MYO1C: variants seen among roughly 807,000 people sequenced by gnomAD.
The protein encoded by MYO1C is unconventional myosin-Ic.
A neutral mutation model predicts 150.8 loss-of-function variants in MYO1C; 104 were observed. The ratio of observed to expected loss-of-function variants is 0.69; its 90% CI spans 0.59 to 0.81. The LOEUF is 0.81. Ranked by LOEUF, MYO1C falls within the 30% of genes least tolerant of loss-of-function variation. The pLI is 0.00. For missense variants in MYO1C, 1,504 were observed against 1,435.0 expected, an observed-to-expected ratio of 1.05 and a Z score of -0.78; for synonymous variants, 663 against 579.9, an observed-to-expected ratio of 1.14 and a Z score of -2.06.
In MYO1C at chr17:1,478,535, G is replaced by A. The variant is rs750876603; in HGVS notation, c.1213-43C>T. 6.8e-6 allele frequency: 11 copies of A among 1,613,602 alleles called. No homozygotes were observed. The East Asian group carries it at 2.2e-4, about 33-fold the overall frequency. ...CCGAAGGCGTGGGCCCCCTGCGCGT[G>A]CCAGCCCCACCCTGCAGCACCCCCC... On this transcript the variant is annotated intron_variant, in intron 10 of 31. Transcript: ENST00000648651. The surrounding 1 kb of genome is among the most constrained non-coding windows in gnomAD (Gnocchi z 6.3).
Position 1,478,388 on chromosome 17 carries a change from AC to A in MYO1C, c.1295+21del. ...GCAGGACAGGAGACCGGGAGGAGAG[AC>A]GGGGGAAAGATGGCACCGACCTGTT... On this transcript the variant is annotated intron_variant, in intron 11 of 31. Transcript: ENST00000648651. This position sits in a 1 kb window ranked among gnomAD's most constrained non-coding sequence, Gnocchi z 6.3. The A allele has an allele frequency of 1.9e-6, 3 of 1,613,864 alleles. No homozygotes were observed. Among genetic ancestry groups the A allele is most frequent in the Non-Finnish European group, 2.5e-6 (3 of 1,179,756 alleles).
At position 1,484,219 on chromosome 17, in the gene MYO1C, G is replaced by A. The variant is rs762872241; in HGVS notation, c.160C>T (p.Leu54=). The A allele has an allele frequency of 6.2e-7, 1 of 1,612,948 alleles. No homozygotes were observed. Among genetic ancestry groups the A allele is most frequent in the East Asian group, 2.2e-5 (1 of 44,878 alleles). ...GCGGCCTCGCTGGTGAAGTTCTCCA[G>A]CAGCACGAAATCCTGCACCCCCACC... ...DRVGVQDFVL[L]ENFTSEAAFI... Residue 54 remains leucine (L), a synonymous_variant, in exon 2 of 32, where the codon CTG becomes TTG. Coordinates refer to ENST00000648651, the MANE Select transcript of MYO1C (RefSeq NM_001080779.2).
intron 31 of MYO1C, among the ~76,000 whole-genome samples, chr17:1,466,556 A>T (rs2074175226): frequency 6.7e-6 from 1 of 150,246 alleles, no homozygotes; most frequent in Admixed American, 6.6e-5. Flanking sequence ...TCGAACTCCC[A>T]ACCTCAGGTG....
Position 1,477,554 on chromosome 17 carries a change from A to C in MYO1C, c.1525T>G (p.Phe509Val), listed in dbSNP as rs1391249685. The C allele has an allele frequency of 3.1e-6, 5 of 1,613,502 alleles. No homozygotes were observed. The highest frequency in any genetic ancestry group is 3.4e-6 in the Non-Finnish European group (4 of 1,179,994). Residue 509 changes from phenylalanine (F) to valine (V), a missense_variant, in exon 14 of 32, where the codon TTC becomes GTC. By Grantham distance (50) the Phe-to-Val change is conservative. Coordinates refer to ENST00000648651, the MANE Select transcript of MYO1C (RefSeq NM_001080779.2). ...LRPGEATDLT[F>V]LEKLEDTVKH... ...ACAGTATCCTCCAGCTTCTCCAGGAAGGTCAGGTCTGTGGCCTCCCCGGGG... is the reference window on the plus strand; with the variant it reads ...ACAGTATCCTCCAGCTTCTCCAGGACGGTCAGGTCTGTGGCCTCCCCGGGG...
At chr17:1,477,646 GCA>G in intron 13 of MYO1C, 50 bp from the exon 14 acceptor site, 3 of 1,441,092 alleles carry the variant, frequency 2.1e-6, no homozygotes, top group Non-Finnish European at 2.9e-6. Flanking sequence ...AGGTCAGAGC[GCA>G]CAGAGGATTG....
rs975728099 is a variant in MYO1C, at chr17:1,478,090, G to A, written c.1398C>T (p.Ile466=). 7 of 1,613,904 alleles carry A rather than the reference G, an allele frequency of 4.3e-6. No homozygotes were observed. Among genetic ancestry groups the A allele is most frequent in the African/African-American group, 2.7e-5 (2 of 74,940 alleles). ...SEQEEYEAEG[I]AWEPVQYFNN... is the part of the protein sequence containing the mutation. ...GTGCCCCCAGGCTAGCACACACCGC[G>A]ATGCCCTCTGCCTCGTACTCCTCCT... Residue 466 remains isoleucine (I), a synonymous_variant, in exon 12 of 32, where the codon ATC becomes ATT. Transcript: ENST00000648651. This position sits in a 1 kb window ranked among gnomAD's most constrained non-coding sequence, Gnocchi z 6.3.
At chr17:1,469,486 C>G in intron 25 of MYO1C, 45 bp downstream of exon 25, 1 of 1,520,530 alleles carries the variant, frequency 6.6e-7, no homozygotes, top group Non-Finnish European at 9.0e-7. Context: ...GCTTGCGACT[C>G]CCTGACTCCA....
intron 25 of MYO1C, 159 bp downstream of exon 25, chr17:1,469,353 GGTAGACTGGGGTAAATAGA>G: frequency 1.5e-6 from 1 of 652,316 alleles, no homozygotes; most frequent in Admixed American, 2.1e-5. Context: ...GGGTAAATAC[GGTAGACTGGGGTAAATAGA>G]GTAGACCAGG....
In MYO1C at chr17:1,474,866, G is replaced by A. The variant is rs1264135378; in HGVS notation, c.1670-8C>T. On this transcript the variant is annotated splice_polypyrimidine_tract_variant and splice_region_variant and intron_variant, in intron 15 of 31. Transcript: ENST00000648651. ...TGTTTTTGTCCAGAAACCCTGGGAG[G>A]GGAGAACCGACGTGAGGTGAGACAG... is the stretch of plus-strand genomic sequence containing the variant. 6.2e-7 allele frequency: 1 copy of A among 1,614,116 alleles called. No homozygotes were observed. Among genetic ancestry groups the A allele is most frequent in the Non-Finnish European group, 8.5e-7 (1 of 1,179,984 alleles).
chr17:1,484,715 A>ACC, intron 1 of MYO1C: 1 of 376,088 alleles, frequency 2.7e-6, no homozygotes, highest in Admixed American at 3.8e-5. Context: ...TTGAGCTTGG[A>ACC]CCAATCCCCT....
intron 6 of MYO1C, 24 bp downstream of exon 6, chr17:1,480,682 C>G (rs761785206): frequency 8.1e-6 from 13 of 1,614,078 alleles, no homozygotes; most frequent in African/African-American, 1.3e-5. Context: ...TGGGTGGCAC[C>G]TGCCCTCCCT....
At chr17:1,484,121 C>T in intron 2 of MYO1C, 27 bp downstream of exon 2, 1 of 1,611,678 alleles carries the variant, frequency 6.2e-7, no homozygotes, top group Non-Finnish European at 8.5e-7. Context: ...CCCCAGCACC[C>T]CTGCCATCTC....
rs57946113 is a variant in MYO1C at position 1,469,819 on chromosome 17, G to A, written c.2527-205C>T. ...GGAGGCCAAGGTGGGTGGATCACCC[G>A]AGCTCAGGAGTTCAAGACCAGCCTG... is the stretch of plus-strand genomic sequence containing the variant. On this transcript the variant is annotated intron_variant, in intron 24 of 31. Transcript: ENST00000648651. 0.05 allele frequency among the ~76,000 whole-genome samples: 7,629 copies of A among 152,214 alleles called. 584 individuals carry two copies. Among genetic ancestry groups the A allele is most frequent in the African/African-American group, 0.17 (7,137 of 41,472 alleles).
intron 1 of MYO1C, chr17:1,491,504 C>T (rs1391127226): frequency 5.8e-6 from 3 of 514,546 alleles, no homozygotes; most frequent in Non-Finnish European, 7.5e-6. Context: ...GATCCCCGGC[C>T]GTGACCCCTG....
chr17:1,471,016 T>A lies in MYO1C; in HGVS notation c.2212+55A>T, dbSNP rs2150937713. On this transcript the variant is annotated intron_variant, in intron 21 of 31. Transcript: ENST00000648651. ...GGAGAAGGAGCCCAAGGGAGTGACT[T>A]CCCTGCTTCCCAGAAGGGACCCCGT... 4 of 1,577,912 alleles carry A rather than the reference T, an allele frequency of 2.5e-6. No individual in the cohort carries two copies. In the African/African-American group the frequency reaches 5.4e-5, roughly 21 times the overall value.
Position 1,484,241 on chromosome 17 carries a change from C to A in MYO1C, c.138G>T (p.Val46=), listed in dbSNP as rs745539574. The change falls in exon 2 of 32, where the codon GTG becomes GTT. Residue 46 remains valine, a synonymous_variant. Transcript: ENST00000648651. Reference sequence around the variant, plus strand: ...CCAGCAGCACGAAATCCTGCACCCCCACCCGGTCACGGGCGGTGAGCGCAC... The same window carrying A: ...CCAGCAGCACGAAATCCTGCACCCCAACCCGGTCACGGGCGGTGAGCGCAC... ...MESALTARDR[V]GVQDFVLLEN... 1 of 1,612,758 alleles carries A rather than the reference C, an allele frequency of 6.2e-7. No homozygotes were observed. Among genetic ancestry groups the A allele is most frequent in the Non-Finnish European group, 8.5e-7 (1 of 1,180,026 alleles).
rs757944055 is a variant in MYO1C, at chr17:1,480,796, G to A, written c.717C>T (p.Ile239=). 10 of 1,614,058 alleles carry A rather than the reference G, an allele frequency of 6.2e-6. No homozygotes were observed. The South Asian group carries it at 9.9e-5, about 16-fold the overall frequency. The change falls in exon 6 of 32, where the codon ATC becomes ATT. Residue 239 remains isoleucine (I), a synonymous_variant. Coordinates refer to ENST00000648651, the MANE Select transcript of MYO1C (RefSeq NM_001080779.2). ...HQNHGERNFH[I]FYQLLEGGEE... ...CGCCCCCCTCCAGCAGCTGGTAGAAGATGTGGAAGTTCCGCTCCCCATGAT... is the reference window on the plus strand; with the variant it reads ...CGCCCCCCTCCAGCAGCTGGTAGAAAATGTGGAAGTTCCGCTCCCCATGAT...
chr17:1,466,309 C>A (rs148502896), intron 31 of MYO1C, among the ~76,000 whole-genome samples: 1 of 151,950 alleles, frequency 6.6e-6, no homozygotes, highest in African/African-American at 2.4e-5. Context: ...TACAGGCATA[C>A]GCCACCACAC....
chr17:1,471,093 C>T lies in MYO1C; in HGVS notation c.2190G>A (p.Leu730=). ...CACCCAGGCTCTGCCGCCGGACCTC[C>T]AGGGCATCCTCTGTGGCAAACAGGG... ...PKTLFATEDA[L]EVRRQSLATK... Residue 730 remains leucine, a synonymous_variant, in exon 21 of 32, where the codon CTG becomes CTA. Transcript: ENST00000648651. The T allele has an allele frequency of 6.2e-7, 1 of 1,614,148 alleles. No homozygotes were observed. The highest frequency in any genetic ancestry group is 8.5e-7 in the Non-Finnish European group (1 of 1,179,996).
Sources: allele counts gnomAD v4.1 joint callset (sites outside exome capture counted in the v4.1 genomes callset), GRCh38; gene constraint gnomAD v4.1.1; non-coding constraint Gnocchi (gnomAD v3.1); transcripts MANE v1.5; gene names NCBI Gene and HGNC (gene_info 2026-07-23, HGNC 2026-07-21).